The following PMM2 variants were observed in gnomAD, a reference collection of about 807,000 sequenced individuals.
The protein encoded by PMM2 is mannose-6-phosphate isomerase.
A neutral mutation model predicts 33.2 loss-of-function variants in PMM2; 35 were observed. That is an observed-to-expected ratio of 1.06 (90% confidence interval 0.81 to 1.40). The LOEUF (loss-of-function observed/expected upper bound fraction) is 1.40. Ranked by LOEUF, PMM2 falls within the 40% of genes most tolerant of loss-of-function variation. PMM2 has a pLI of 0.00. For missense variants in PMM2, 386 were observed against 306.0 expected (o/e 1.26, Z -1.95); for synonymous variants, 153 against 114.7 (o/e 1.33, Z -2.13).
At chr16:8,816,387 A>T (rs781201198) in intron 7 of PMM2, among the ~76,000 whole-genome samples, 1 of 151,064 alleles carries the variant, frequency 6.6e-6, no homozygotes, top group Non-Finnish European at 1.5e-5. Context: ...TGACCTCCCA[A>T]AGTGCTAGGC....
intron 4 of PMM2, chr16:8,810,493 C>T (rs2060671287): frequency 1.3e-5 from 2 of 153,004 alleles, no homozygotes; most frequent in Non-Finnish European, 2.9e-5. Flanking sequence ...TTTCTGTAGC[C>T]ACATTTTGAA....
intron 7 of PMM2, among the ~76,000 whole-genome samples, chr16:8,827,587 G>T (rs1183764651): frequency 1.4e-5 from 2 of 147,686 alleles, no homozygotes; most frequent in Non-Finnish European, 3.0e-5. Context: ...GTAGAGACAG[G>T]GTTTCACTAT....
intron 7 of PMM2, among the ~76,000 whole-genome samples, chr16:8,835,643 C>G (rs921108984): frequency 2.6e-5 from 4 of 151,960 alleles, no homozygotes; most frequent in African/African-American, 7.2e-5. Context: ...AACCTGTAAG[C>G]CTTGTCTGGT....
At chr16:8,830,448 G>A (rs2060803136) in intron 7 of PMM2, among the ~76,000 whole-genome samples, 2 of 152,192 alleles carry the variant, frequency 1.3e-5, no homozygotes, top group Admixed American at 6.5e-5. Context: ...GAGTTTTTAA[G>A]GATAACTTGG....
chr16:8,826,949 A>C (rs1343961580), intron 7 of PMM2, among the ~76,000 whole-genome samples: 1 of 152,156 alleles, frequency 6.6e-6, no homozygotes, highest in Non-Finnish European at 1.5e-5. Context: ...ATCTTTTCTC[A>C]TATAAATTTC....
intron 7 of PMM2, among the ~76,000 whole-genome samples, chr16:8,846,800 A>T (rs1440115720): frequency 6.6e-6 from 1 of 152,122 alleles, no homozygotes; most frequent in Non-Finnish European, 1.5e-5. Context: ...CCAGCATCTG[A>T]CCCAGGCCAC....
At chr16:8,832,896 C>T (rs1414899827) in intron 7 of PMM2, 1 of 985,340 alleles carries the variant, frequency 1.0e-6, no homozygotes, top group Non-Finnish European at 1.2e-6. Context: ...CCTCACCCTC[C>T]AGGCCTGGCA....
intron 1 of PMM2, among the ~76,000 whole-genome samples, chr16:8,799,888 T>C (rs563365893): frequency 1.5e-4 from 23 of 152,316 alleles, no homozygotes; most frequent in Admixed American, 1.5e-3. Flanking sequence ...GTCTAATAGG[T>C]CCAGATTCCA....
chr16:8,845,452 C>CT (rs1425084144), intron 7 of PMM2, among the ~76,000 whole-genome samples: 3 of 152,092 alleles, frequency 2.0e-5, no homozygotes, highest in Non-Finnish European at 4.4e-5. Flanking sequence ...GCTCAGAGGC[C>CT]TGACAGTAGG....
chr16:8,817,797 A>G (rs1219708829), intron 7 of PMM2, among the ~76,000 whole-genome samples: 4 of 152,198 alleles, frequency 2.6e-5, no homozygotes, highest in Non-Finnish European at 5.9e-5. Flanking sequence ...CAGCCTTTCT[A>G]TGTATATGAT....
At chr16:8,837,927 C>G (rs765721742) in intron 7 of PMM2, among the ~76,000 whole-genome samples, 25 of 152,026 alleles carry the variant, frequency 1.6e-4, no homozygotes, top group Non-Finnish European at 2.6e-4. Context: ...TTTGTCTCTA[C>G]CAGAAAATGA....
rs190845691 is a variant in PMM2 at position 8,819,648 on chromosome 16, T to C, written c.639+6542T>C. ...AGTTCAAGATTATAGTGAGCCACGA[T>C]TGCGCCACTGCACTCCAGCCTAGGC... On this transcript the variant is annotated intron_variant, in intron 7 of 7. Transcript: ENST00000268261. 4.0e-3 allele frequency among the ~76,000 whole-genome samples: 609 copies of C among 151,672 alleles called. 5 individuals carry two copies. Among genetic ancestry groups the C allele is most frequent in the African/African-American group, 0.014 (565 of 41,326 alleles).
At chr16:8,834,430 G>A (rs1409958834) in intron 7 of PMM2, among the ~76,000 whole-genome samples, 8 of 151,986 alleles carry the variant, frequency 5.3e-5, no homozygotes, top group East Asian at 1.9e-4. Context: ...AAATGACTGC[G>A]GTGGCCTTCT....
chr16:8,845,062 G>A (rs1669108194), intron 7 of PMM2, among the ~76,000 whole-genome samples: 1 of 152,240 alleles, frequency 6.6e-6, no homozygotes, highest in African/African-American at 2.4e-5. Context: ...CCACCAAACA[G>A]GCTTTGTGTG....
intron 7 of PMM2, among the ~76,000 whole-genome samples, chr16:8,815,008 C>A (rs766968500): frequency 1.3e-5 from 2 of 152,014 alleles, no homozygotes; most frequent in Non-Finnish European, 2.9e-5. Context: ...CCGCCCCGTC[C>A]CTGGCAACCA....
At chr16:8,846,838 G>C (rs2060928768) in intron 7 of PMM2, among the ~76,000 whole-genome samples, 1 of 152,132 alleles carries the variant, frequency 6.6e-6, no homozygotes, top group Non-Finnish European at 1.5e-5. Flanking sequence ...CTTTTAGCCA[G>C]CAGCTCAGAC....
chr16:8,830,884 A>T (rs556172813), intron 7 of PMM2, among the ~76,000 whole-genome samples: 2 of 152,330 alleles, frequency 1.3e-5, no homozygotes, highest in South Asian at 4.1e-4. Flanking sequence ...CACGCCTGTA[A>T]TCCCAGCACT....
At chr16:8,847,632 G>A in intron 7 of PMM2, 92 bp from the exon 8 acceptor site, 1 of 901,002 alleles carries the variant, frequency 1.1e-6, no homozygotes, top group Middle Eastern at 2.1e-4. Context: ...GTTAAATCTT[G>A]TTTTTTGGGT....
At chr16:8,817,691 C>T (rs956143828) in intron 7 of PMM2, among the ~76,000 whole-genome samples, 1 of 152,020 alleles carries the variant, frequency 6.6e-6, no homozygotes, top group Non-Finnish European at 1.5e-5. Context: ...TGGAAGCTTT[C>T]CCCCAATTGT....
Sources: allele counts gnomAD v4.1 joint callset (sites outside exome capture counted in the v4.1 genomes callset), GRCh38; gene constraint gnomAD v4.1.1; transcripts MANE v1.5; gene names NCBI Gene and HGNC (gene_info 2026-07-23, HGNC 2026-07-21).